IQANK1: variants seen among roughly 807,000 people sequenced by gnomAD.
IQANK1 encodes the protein IQ motif and ankyrin repeat containing 1.
A neutral mutation model predicts 22.6 loss-of-function variants in IQANK1; 30 were observed. That is an observed-to-expected ratio of 1.33 (90% CI 0.99 to 1.80). The LOEUF is 1.80. IQANK1 is among the 40% of genes most tolerant of loss of function. The pLI is 0.00. For missense variants in IQANK1, 275 were observed against 235.2 expected, an observed-to-expected ratio of 1.17 and a Z score of -1.11; for synonymous variants, 122 against 99.6, an observed-to-expected ratio of 1.23 and a Z score of -1.34.
At chr8:143,772,009 G>A in intron 5 of IQANK1, 43 bp from the exon 6 acceptor site, 1 of 312,878 alleles carries the variant, frequency 3.2e-6, no homozygotes, top group Non-Finnish European at 5.7e-6. Flanking sequence ...GGTGGGGTGG[G>A]AGTGGGAGGA....
At chr8:143,736,296 C>G (rs1554625668) in intron 2 of IQANK1, among the ~76,000 whole-genome samples, 1 of 152,132 alleles carries the variant, frequency 6.6e-6, no homozygotes, top group African/African-American at 2.4e-5. Context: ...TGCGCCACCA[C>G]GCCCTGCTGA....
chr8:143,750,944 TTG>T (rs56002701), intron 3 of IQANK1, among the ~76,000 whole-genome samples: 2,063 of 149,782 alleles, frequency 0.014, 20 homozygotes, highest in Non-Finnish European at 0.021. Context: ...CTGTCTTCTT[TTG>T]TGTGTGTGTG....
chr8:143,754,967 A>G (rs1172581565), intron 3 of IQANK1, among the ~76,000 whole-genome samples: 3 of 152,174 alleles, frequency 2.0e-5, no homozygotes, highest in Non-Finnish European at 4.4e-5. Flanking sequence ...AATGATGGAC[A>G]TCACATCCCA....
At chr8:143,777,135 CAT>C (rs1457563079) in intron 7 of IQANK1, among the ~76,000 whole-genome samples, 3 of 149,914 alleles carry the variant, frequency 2.0e-5, no homozygotes, top group African/African-American at 7.4e-5. Context: ...AAGACACACA[CAT>C]ATATATACAC....
In IQANK1 at chr8:143,739,065, G is replaced by A. The variant is rs1036440081; in HGVS notation, c.86-794G>A. Among the ~76,000 whole-genome samples, 46 of 152,350 alleles carry A rather than the reference G, an allele frequency of 3.0e-4. 1 individual carries two copies. Among genetic ancestry groups the A allele is most frequent in the Admixed American group, 2.2e-3 (33 of 15,308 alleles). Reference sequence around the variant, plus strand: ...GTGGGGCCCCGAGGAAAGTCCTGGCGGTCATGGAGGTGGGGCGGGGGCTCT... The same window carrying A: ...GTGGGGCCCCGAGGAAAGTCCTGGCAGTCATGGAGGTGGGGCGGGGGCTCT... On this transcript the variant is annotated intron_variant, in intron 2 of 13. Transcript: ENST00000527139.
chr8:143,749,676 A>G (rs1819151251), intron 3 of IQANK1, among the ~76,000 whole-genome samples: 1 of 147,906 alleles, frequency 6.8e-6, no homozygotes, highest in African/African-American at 2.5e-5. Context: ...GCTCACTGCA[A>G]TCTCCACCTC....
intron 3 of IQANK1, chr8:143,745,425 T>C (rs1166226220): frequency 6.7e-6 from 1 of 149,496 alleles, no homozygotes; most frequent in Non-Finnish European, 1.5e-5. Flanking sequence ...CATTTCTTCC[T>C]TTTTTTTTTC....
intron 3 of IQANK1, among the ~76,000 whole-genome samples, chr8:143,753,775 GATTT>G (rs1554628281): frequency 6.6e-6 from 1 of 152,064 alleles, no homozygotes; most frequent in South Asian, 2.1e-4. Flanking sequence ...AGTTTCTGTT[GATTT>G]ATTTTTGTTT....
At chr8:143,784,425 C>T (rs554945059) in intron 7 of IQANK1, among the ~76,000 whole-genome samples, 6 of 152,210 alleles carry the variant, frequency 3.9e-5, no homozygotes, top group Admixed American at 3.3e-4. Flanking sequence ...CTGAGGTATC[C>T]CTAGCCATAC....
intron 7 of IQANK1, among the ~76,000 whole-genome samples, chr8:143,775,124 C>T (rs145286777): frequency 1.6e-4 from 25 of 152,236 alleles, no homozygotes; most frequent in African/African-American, 6.0e-4. Flanking sequence ...CACACACACA[C>T]ACGAGTAGAT....
chr8:143,753,399 A>T, intron 3 of IQANK1, among the ~76,000 whole-genome samples: 1 of 149,094 alleles, frequency 6.7e-6, no homozygotes, highest in African/African-American at 2.5e-5. Flanking sequence ...CTTTAAGATA[A>T]TTGTTTTAAA....
intron 3 of IQANK1, among the ~76,000 whole-genome samples, chr8:143,752,355 C>G (rs960955329): frequency 2.0e-5 from 3 of 152,132 alleles, no homozygotes; most frequent in Non-Finnish European, 2.9e-5. Flanking sequence ...ATTGAGGATC[C>G]CTTGTATGTG....
chr8:143,757,692 C>A (rs983570277), intron 3 of IQANK1, among the ~76,000 whole-genome samples: 1 of 152,052 alleles, frequency 6.6e-6, no homozygotes, highest in Admixed American at 6.6e-5. Context: ...CTCACTGTGT[C>A]ACCCACTCTG....
At chr8:143,753,177 T>C (rs555682363) in intron 3 of IQANK1, among the ~76,000 whole-genome samples, 1 of 151,730 alleles carries the variant, frequency 6.6e-6, no homozygotes, top group Non-Finnish European at 1.5e-5. Context: ...CTAATTTTTG[T>C]TTTTGTTTTT....
At chr8:143,734,797 C>T (rs1488491832) in intron 1 of IQANK1, among the ~76,000 whole-genome samples, 2 of 152,056 alleles carry the variant, frequency 1.3e-5, no homozygotes, top group African/African-American at 4.8e-5. Context: ...ACAAGGGACC[C>T]AGTGTGCACA....
chr8:143,736,847 T>A (rs1276892806), intron 2 of IQANK1, among the ~76,000 whole-genome samples: 4 of 151,556 alleles, frequency 2.6e-5, no homozygotes, highest in Non-Finnish European at 4.4e-5. Flanking sequence ...CTCCCATTTA[T>A]TCTCTATGCT....
intron 7 of IQANK1, among the ~76,000 whole-genome samples, chr8:143,784,379 G>A (rs1351628858): frequency 6.6e-6 from 1 of 152,094 alleles, no homozygotes. Context: ...AAATGTGCCT[G>A]CTTCCCCTTG....
chr8:143,786,399 C>T (rs1219786862), intron 7 of IQANK1, among the ~76,000 whole-genome samples: 1 of 152,178 alleles, frequency 6.6e-6, no homozygotes, highest in Non-Finnish European at 1.5e-5. Context: ...AATTCCTTCA[C>T]TCACCCACCC....
rs61709186 is a variant in IQANK1 at position 143,774,177 on chromosome 8, CA to C, written c.789+1710del. ...TGGACATGACACAAAAAGCACAATC[CA>C]AAAAAAAAAAAAAACCACATTGATA... On this transcript the variant is annotated intron_variant, in intron 7 of 13. Coordinates refer to ENST00000527139, the MANE Select transcript of IQANK1 (RefSeq NM_001381874.1). This position sits in a 1 kb window ranked among gnomAD's most constrained non-coding sequence, Gnocchi z 4.2. Among the ~76,000 whole-genome samples, 117,674 of 136,540 alleles carry C rather than the reference CA, an allele frequency of 0.86. 52,337 individuals carry two copies. Among genetic ancestry groups the C allele is most frequent in the South Asian group, 0.98 (4,278 of 4,354 alleles). The allele number at this position is 136,540 out of a possible 152,430, so 89.6% of individuals were successfully genotyped here. A position where few individuals can be genotyped will look rare whatever the true frequency, so the allele number is the denominator to read the frequency against.
Sources: allele counts gnomAD v4.1 joint callset (sites outside exome capture counted in the v4.1 genomes callset), GRCh38; gene constraint gnomAD v4.1.1; non-coding constraint Gnocchi (gnomAD v3.1); transcripts MANE v1.5; gene names NCBI Gene and HGNC (gene_info 2026-07-23, HGNC 2026-07-21).